Variants in WWTR1 observed in about 807,000 individuals in gnomAD.
WWTR1 encodes WW domain-containing transcription regulator protein 1.
A neutral mutation model predicts 40.1 loss-of-function variants in WWTR1; 13 were observed. The observed-to-expected ratio is 0.32, with a 90% CI of 0.21 to 0.52. The LOEUF is 0.52. WWTR1 is among the 20% of genes least tolerant of loss of function. The probability of loss-of-function intolerance (pLI) is 0.97; values close to 1 mark genes in which losing one functional copy is unlikely to be tolerated. For synonymous variants in WWTR1, 230 were observed against 210.1 expected (o/e 1.09, Z -0.82); for missense variants, 436 against 523.1 (o/e 0.83, Z 1.63).
At chr3:149,670,428 A>T (rs1449588742) in intron 1 of WWTR1, among the ~76,000 whole-genome samples, 2 of 152,078 alleles carry the variant, frequency 1.3e-5, no homozygotes, top group Non-Finnish European at 2.9e-5. Context: ...ACTGCTATTT[A>T]TCCTCTTCCT....
At chr3:149,562,241 G>A (rs1737115545) in intron 3 of WWTR1, among the ~76,000 whole-genome samples, 1 of 151,586 alleles carries the variant, frequency 6.6e-6, no homozygotes, top group South Asian at 2.1e-4. Flanking sequence ...GTTGCAGTGA[G>A]CCGAGGTCTT....
intron 1 of WWTR1, among the ~76,000 whole-genome samples, chr3:149,695,808 T>C (rs1701207295): frequency 7.0e-6 from 1 of 142,702 alleles, no homozygotes; most frequent in Non-Finnish European, 1.5e-5. Flanking sequence ...TATATATATA[T>C]ATTTAAAAAA....
chr3:149,662,562 A>T (rs966040303), upstream of WWTR1, among the ~76,000 whole-genome samples: 1 of 152,004 alleles, frequency 6.6e-6, no homozygotes, highest in African/African-American at 2.4e-5. Context: ...CCCAAAATCC[A>T]TGCTTCCCTT....
At chr3:149,541,845 A>G (rs1461101758) in intron 4 of WWTR1, among the ~76,000 whole-genome samples, 2 of 151,964 alleles carry the variant, frequency 1.3e-5, no homozygotes, top group East Asian at 3.9e-4. Context: ...CATGCCACCC[A>G]CTTAGGTAAA....
chr3:149,706,252 T>G (rs1715333789), upstream of WWTR1, among the ~76,000 whole-genome samples: 1 of 152,128 alleles, frequency 6.6e-6, no homozygotes, highest in Non-Finnish European at 1.5e-5. Flanking sequence ...CACATGTAAA[T>G]TTTTCGTGCA....
rs1162338025 is a variant in WWTR1 at position 149,517,597 on chromosome 3, C to G, written c.*3208G>C. On this transcript the variant is annotated 3_prime_UTR_variant, in exon 7 of 7. Coordinates refer to ENST00000360632, the MANE Select transcript of WWTR1 (RefSeq NM_015472.6). ...AACTTGTAATTAGCAACACTTCTGT[C>G]AGTCTAGATCACTTCTTCTGCAGAG... 1.3e-5 allele frequency: 2 copies of G among 152,118 alleles called. No individual in the cohort carries two copies. Among genetic ancestry groups the G allele is most frequent in the Non-Finnish European group, 2.9e-5 (2 of 68,010 alleles). 9.4% of individuals were successfully genotyped at this position (152,118 alleles called of 1,614,324 possible).
intron 3 of WWTR1, among the ~76,000 whole-genome samples, chr3:149,571,615 G>A (rs777092048): frequency 3.9e-5 from 6 of 152,196 alleles, no homozygotes; most frequent in Non-Finnish European, 8.8e-5. Flanking sequence ...TGGAAGAACT[G>A]ACACTTGAAG....
intron 2 of WWTR1, among the ~76,000 whole-genome samples, chr3:149,635,444 C>T (rs2108115675): frequency 6.7e-6 from 1 of 149,770 alleles, no homozygotes; most frequent in South Asian, 2.1e-4. Context: ...TGTCATAGAA[C>T]AAAATACTTT....
At chr3:149,583,481 T>C (rs1454693231) in intron 2 of WWTR1, among the ~76,000 whole-genome samples, 1 of 152,138 alleles carries the variant, frequency 6.6e-6, no homozygotes, top group East Asian at 1.9e-4. Flanking sequence ...GGTCTACACA[T>C]GCGTGCCACC....
chr3:149,679,020 G>A (rs1183129589), intron 1 of WWTR1, among the ~76,000 whole-genome samples: 3 of 151,990 alleles, frequency 2.0e-5, no homozygotes, highest in African/African-American at 4.8e-5. Context: ...TAGTAGAAAC[G>A]GGGTTTCACC....
intron 2 of WWTR1, among the ~76,000 whole-genome samples, chr3:149,608,181 C>T (rs1276894387): frequency 6.6e-6 from 1 of 151,710 alleles, no homozygotes; most frequent in Non-Finnish European, 1.5e-5. Flanking sequence ...TGCCTAATTG[C>T]CCATTATATT....
intron 6 of WWTR1, among the ~76,000 whole-genome samples, chr3:149,524,511 A>C (rs1735200541): frequency 6.6e-6 from 1 of 152,156 alleles, no homozygotes; most frequent in Non-Finnish European, 1.5e-5. Context: ...TCTCACACTC[A>C]AAAAGCAGAG....
chr3:149,550,283 T>C (rs1051265359), intron 3 of WWTR1, among the ~76,000 whole-genome samples: 1 of 152,164 alleles, frequency 6.6e-6, no homozygotes, highest in Non-Finnish European at 1.5e-5. Context: ...ACTTTTTAAA[T>C]TGCTTCTAGA....
At chr3:149,567,118 C>T (rs1454157662) in intron 3 of WWTR1, among the ~76,000 whole-genome samples, 1 of 150,498 alleles carries the variant, frequency 6.6e-6, no homozygotes, top group Non-Finnish European at 1.5e-5. Context: ...CTCATTCCAA[C>T]AAAAAGCCTC....
intron 3 of WWTR1, among the ~76,000 whole-genome samples, chr3:149,560,064 T>C (rs897301929): frequency 1.3e-5 from 2 of 152,050 alleles, no homozygotes; most frequent in African/African-American, 4.8e-5. Flanking sequence ...TGAGATCTGT[T>C]GTGAAAGGTC....
intron 1 of WWTR1, among the ~76,000 whole-genome samples, chr3:149,679,641 G>A (rs1290522447): frequency 6.9e-6 from 1 of 145,378 alleles, no homozygotes; most frequent in Non-Finnish European, 1.5e-5. Flanking sequence ...AGATGGAATG[G>A]TGGGAAAAAA....
intron 2 of WWTR1, among the ~76,000 whole-genome samples, chr3:149,615,240 A>G (rs554192577): frequency 1.3e-5 from 2 of 152,210 alleles, no homozygotes; most frequent in Non-Finnish European, 2.9e-5. Flanking sequence ...CAGCTCTGAA[A>G]ATTGCATTCA....
intron 2 of WWTR1, among the ~76,000 whole-genome samples, chr3:149,617,229 G>A (rs999155569): frequency 6.6e-6 from 1 of 152,166 alleles, no homozygotes; most frequent in East Asian, 1.9e-4. Flanking sequence ...GGACCATGAT[G>A]AGCAGAAGGA....
At chr3:149,591,147 A>C (rs1738702730) in intron 2 of WWTR1, among the ~76,000 whole-genome samples, 1 of 152,250 alleles carries the variant, frequency 6.6e-6, no homozygotes, top group African/African-American at 2.4e-5. Flanking sequence ...TACTTAAAAA[A>C]ACATAAATAC....
Sources: allele counts gnomAD v4.1 joint callset (sites outside exome capture counted in the v4.1 genomes callset), GRCh38; gene constraint gnomAD v4.1.1; transcripts MANE v1.5; gene names NCBI Gene and HGNC (gene_info 2026-07-23, HGNC 2026-07-21).